Variants in PLCH1 observed in about 807,000 individuals in gnomAD.
PLCH1 encodes phospholipase C eta 1.
A neutral mutation model predicts 126.7 loss-of-function variants in PLCH1; 60 were observed. The observed-to-expected ratio is 0.47, with a 90% CI of 0.38 to 0.59. The LOEUF (loss-of-function observed/expected upper bound fraction) is 0.59, where lower values mean the gene tolerates loss of function less well. Ranked by LOEUF, PLCH1 falls within the 20% of genes least tolerant of loss-of-function variation. The pLI, the probability that PLCH1 is intolerant of heterozygous loss-of-function variation, is 0.00. For missense variants in PLCH1, 1,723 were observed against 2,040.0 expected (o/e 0.84, Z 2.99); for synonymous variants, 719 against 734.9 (o/e 0.98, Z 0.35).
chr3:155,649,969 C>A (rs1740520790), intron 2 of PLCH1, among the ~76,000 whole-genome samples: 1 of 151,788 alleles, frequency 6.6e-6, no homozygotes. Flanking sequence ...CAGAGTGAGA[C>A]TCCTTCTCAA....
In PLCH1 at chr3:155,480,873, T is replaced by G; in HGVS notation, c.*95A>C. The G allele has an allele frequency of 8.3e-6, 9 of 1,088,310 alleles. No homozygotes were observed. Among genetic ancestry groups the G allele is most frequent in the Non-Finnish European group, 1.2e-5 (9 of 759,978 alleles). The allele number at this position is 1,088,310 out of a possible 1,614,324, so 67.4% of individuals were successfully genotyped here. A position where few individuals can be genotyped will look rare whatever the true frequency, so the allele number is the denominator to read the frequency against. On this transcript the variant is annotated 3_prime_UTR_variant, in exon 23 of 23. Transcript: ENST00000460012. ...CCCAAATACAAGTTTAAAAATACAT[T>G]TGAAAATCATTCCAAAGCCAAGGAA...
intron 2 of PLCH1, among the ~76,000 whole-genome samples, chr3:155,627,853 C>T (rs1737528629): frequency 6.6e-6 from 1 of 151,550 alleles, no homozygotes; most frequent in Non-Finnish European, 1.5e-5. Flanking sequence ...CTGCAACCTC[C>T]ACCTCCTGAG....
chr3:155,541,767 A>C (rs566829772), intron 10 of PLCH1, among the ~76,000 whole-genome samples: 1 of 152,338 alleles, frequency 6.6e-6, no homozygotes, highest in African/African-American at 2.4e-5. Context: ...TTGGAAAAAC[A>C]GTGCCGAAAG....
At chr3:155,516,069 T>A (rs1720267498) in intron 11 of PLCH1, among the ~76,000 whole-genome samples, 1 of 152,240 alleles carries the variant, frequency 6.6e-6, no homozygotes. Context: ...CATGCATTAA[T>A]ATCTTTAACA....
intron 2 of PLCH1, among the ~76,000 whole-genome samples, chr3:155,684,169 C>T (rs969540085): frequency 6.6e-6 from 1 of 152,146 alleles, no homozygotes; most frequent in African/African-American, 2.4e-5. Flanking sequence ...GTCATCATAA[C>T]GCAAACCCCC....
chr3:155,502,649 G>A (rs956405640), intron 13 of PLCH1, among the ~76,000 whole-genome samples: 4 of 152,172 alleles, frequency 2.6e-5, no homozygotes, highest in Admixed American at 6.5e-5. Context: ...TTCAGAGAAT[G>A]ATATATTTTC....
chr3:155,596,194 A>G (rs1455166122), intron 3 of PLCH1, 38 bp downstream of exon 3: 3 of 1,550,468 alleles, frequency 1.9e-6, no homozygotes, highest in Non-Finnish European at 2.7e-6. Context: ...GTGTGTTACT[A>G]TGTCCAGCCA....
chr3:155,628,159 C>T (rs1255879383), intron 2 of PLCH1, among the ~76,000 whole-genome samples: 9 of 151,780 alleles, frequency 5.9e-5, no homozygotes, highest in Admixed American at 5.2e-4. Flanking sequence ...CATAAATATA[C>T]ACTATATAAA....
At chr3:155,654,791 GT>G (rs992628733) in intron 2 of PLCH1, among the ~76,000 whole-genome samples, 1 of 152,152 alleles carries the variant, frequency 6.6e-6, no homozygotes, top group African/African-American at 2.4e-5. Context: ...CCATGGTGCA[GT>G]CTAAGAGGTC....
At chr3:155,576,343 G>GAA (rs1197535422) in intron 6 of PLCH1, among the ~76,000 whole-genome samples, 2 of 152,160 alleles carry the variant, frequency 1.3e-5, no homozygotes, top group Non-Finnish European at 2.9e-5. Flanking sequence ...GAAAGGAAGA[G>GAA]AAGAAAGAGA....
At chr3:155,526,365 C>T (rs1431997128) in intron 10 of PLCH1, among the ~76,000 whole-genome samples, 10 of 151,874 alleles carry the variant, frequency 6.6e-5, no homozygotes, top group Non-Finnish European at 1.5e-4. Context: ...CTCTCCTTTC[C>T]TGGAGCTCTC....
At chr3:155,543,232 A>G (rs1048107988) in intron 10 of PLCH1, among the ~76,000 whole-genome samples, 5 of 152,252 alleles carry the variant, frequency 3.3e-5, no homozygotes, top group Admixed American at 1.3e-4. Context: ...CAAGAACTAC[A>G]TGAAGAATGC....
intron 1 of PLCH1, among the ~76,000 whole-genome samples, chr3:155,737,173 A>G (rs1337491493): frequency 1.5e-5 from 2 of 137,800 alleles, no homozygotes; most frequent in Non-Finnish European, 3.1e-5. Context: ...CGGAGGTTGC[A>G]GTGAGCCGAG....
chr3:155,663,145 T>C (rs1209604302), intron 2 of PLCH1, among the ~76,000 whole-genome samples: 1 of 152,242 alleles, frequency 6.6e-6, no homozygotes, highest in Non-Finnish European at 1.5e-5. Flanking sequence ...ACTGTCCCTG[T>C]TATGTAAATC....
At chr3:155,518,247 C>T (rs552645968) in intron 11 of PLCH1, among the ~76,000 whole-genome samples, 2 of 152,298 alleles carry the variant, frequency 1.3e-5, no homozygotes, top group African/African-American at 2.4e-5. Flanking sequence ...AAGGGGGAGA[C>T]TGTATTGTAC....
intron 6 of PLCH1, among the ~76,000 whole-genome samples, chr3:155,581,449 C>T (rs1376666986): frequency 6.6e-6 from 1 of 152,060 alleles, no homozygotes; most frequent in South Asian, 2.1e-4. Flanking sequence ...AGTCATACAA[C>T]GATATATTAT....
At chr3:155,557,888 G>A (rs1056815515) in intron 8 of PLCH1, among the ~76,000 whole-genome samples, 1 of 152,102 alleles carries the variant, frequency 6.6e-6, no homozygotes, top group East Asian at 1.9e-4. Context: ...GTCATAAACC[G>A]ATTACAACAG....
intron 10 of PLCH1, among the ~76,000 whole-genome samples, chr3:155,544,958 T>C (rs1442132406): frequency 2.7e-5 from 4 of 149,550 alleles, no homozygotes; most frequent in Admixed American, 6.7e-5. Flanking sequence ...ATTGACACCC[T>C]AACATCACAA....
At chr3:155,583,437 T>C (rs757356705) in intron 6 of PLCH1, 35 bp downstream of exon 6, 15 of 1,513,434 alleles carry the variant, frequency 9.9e-6, no homozygotes, top group Non-Finnish European at 9.8e-6. Flanking sequence ...ATGAGTACTT[T>C]TAAGTAAACT....
Sources: gnomAD v4.1 joint callset for allele counts (sites outside exome capture counted in the v4.1 genomes callset) on GRCh38, gnomAD v4.1.1 for gene constraint, MANE v1.5 for transcripts, NCBI Gene and HGNC (gene_info 2026-07-23, HGNC 2026-07-21) for gene names.